The following CSMD1 variants were observed in gnomAD, a reference collection of about 807,000 sequenced individuals.
The protein encoded by CSMD1 is CUB and sushi domain-containing protein 1.
CSMD1 carries 213 observed loss-of-function variants against 417.5 expected under a neutral mutation model. The observed-to-expected ratio is 0.51, with a 90% confidence interval of 0.46 to 0.57. The LOEUF (loss-of-function observed/expected upper bound fraction) is 0.57. CSMD1 is among the 20% of genes least tolerant of loss of function. The pLI is 0.00. For synonymous variants in CSMD1, 2,862 were observed against 1,736.8 expected (o/e 1.65, Z -16.11); for missense variants, 6,923 against 4,529.7 (o/e 1.53, Z -15.17).
At position 4,376,509 on chromosome 8, in the gene CSMD1, T is replaced by G. The variant is rs560121993; in HGVS notation, c.415+43444A>C. 8.8e-4 allele frequency among the ~76,000 whole-genome samples: 134 copies of G among 152,358 alleles called. 1 individual carries two copies. The highest frequency in any genetic ancestry group is 3.1e-3 in the South Asian group (15 of 4,832). ...ATTTTTATATGAATAGACCATTATT[T>G]TCCCCACAGTATATTTAATCAATTT... On this transcript the variant is annotated intron_variant, in intron 3 of 69. Coordinates refer to ENST00000635120, the MANE Select transcript of CSMD1 (RefSeq NM_033225.6).
chr8:4,483,222 C>A (rs957215015), intron 2 of CSMD1, among the ~76,000 whole-genome samples: 16 of 152,168 alleles, frequency 1.1e-4, no homozygotes, highest in Non-Finnish European at 5.9e-5. Context: ...GTGAGAAGTG[C>A]CTTTCACCTT....
At chr8:3,722,072 G>C (rs1019547276) in intron 6 of CSMD1, among the ~76,000 whole-genome samples, 6 of 152,190 alleles carry the variant, frequency 3.9e-5, no homozygotes, top group Non-Finnish European at 5.9e-5. Flanking sequence ...GCCGGGCAAA[G>C]TGGCTCATGC....
intron 7 of CSMD1, among the ~76,000 whole-genome samples, chr8:3,623,479 T>A (rs920024364): frequency 6.6e-6 from 1 of 152,164 alleles, no homozygotes; most frequent in Non-Finnish European, 1.5e-5. Flanking sequence ...GGAGATAAGA[T>A]CTATATGAGT....
chr8:3,128,803 G>GT (rs755443473), intron 41 of CSMD1: 3,975 of 356,776 alleles, frequency 0.011, no homozygotes, highest in South Asian at 0.016. Flanking sequence ...TCGAGTTTTT[G>GT]TTTTTTTTTT....
At chr8:3,672,672 T>C (rs1202645353) in intron 7 of CSMD1, among the ~76,000 whole-genome samples, 1 of 152,186 alleles carries the variant, frequency 6.6e-6, no homozygotes, top group African/African-American at 2.4e-5. Flanking sequence ...TCACTGGGCA[T>C]CTGTTCCCAA....
chr8:3,819,519 G>C (rs772648509), intron 5 of CSMD1, among the ~76,000 whole-genome samples: 19 of 142,790 alleles, frequency 1.3e-4, no homozygotes, highest in Non-Finnish European at 2.6e-4. Flanking sequence ...GAGCTCAAAA[G>C]CGAAGGTGAT....
At chr8:3,612,470 A>G (rs1160861923) in intron 8 of CSMD1, among the ~76,000 whole-genome samples, 10 of 152,144 alleles carry the variant, frequency 6.6e-5, no homozygotes, top group Non-Finnish European at 1.2e-4. Context: ...ACTGACATTT[A>G]TGGAACACTT....
At chr8:4,850,182 A>C (rs940466968) in intron 1 of CSMD1, among the ~76,000 whole-genome samples, 1 of 152,136 alleles carries the variant, frequency 6.6e-6, no homozygotes, top group Non-Finnish European at 1.5e-5. Flanking sequence ...ATGTATATGA[A>C]GATCATTAAC....
intron 1 of CSMD1, among the ~76,000 whole-genome samples, chr8:4,841,281 T>G (rs544484228): frequency 7.5e-4 from 115 of 152,372 alleles, no homozygotes; most frequent in Non-Finnish European, 1.2e-3. Flanking sequence ...GGTTATTGAT[T>G]AGCCTTAAGA....
chr8:4,357,489 A>G (rs1054792957), intron 3 of CSMD1, among the ~76,000 whole-genome samples: 3 of 152,186 alleles, frequency 2.0e-5, no homozygotes, highest in African/African-American at 7.2e-5. Flanking sequence ...CCAACATGGC[A>G]TTACTTTATC....
At chr8:3,828,750 A>C (rs960326157) in intron 5 of CSMD1, among the ~76,000 whole-genome samples, 3 of 152,072 alleles carry the variant, frequency 2.0e-5, no homozygotes, top group African/African-American at 7.2e-5. Flanking sequence ...GACCTTACTA[A>C]ACATCAGTGA....
At chr8:3,952,420 T>C (rs1286548546) in intron 5 of CSMD1, among the ~76,000 whole-genome samples, 2 of 152,246 alleles carry the variant, frequency 1.3e-5, no homozygotes, top group Non-Finnish European at 1.5e-5. Flanking sequence ...TATGTTGATA[T>C]GTAAAGGGTA....
intron 26 of CSMD1, among the ~76,000 whole-genome samples, chr8:3,265,844 C>G (rs546636322): frequency 3.9e-5 from 6 of 151,976 alleles, no homozygotes; most frequent in African/African-American, 1.5e-4. Flanking sequence ...CTGGGTGATG[C>G]AGTAGCTCAG....
At chr8:4,076,699 G>A (rs1178658028) in intron 3 of CSMD1, among the ~76,000 whole-genome samples, 1 of 152,120 alleles carries the variant, frequency 6.6e-6, no homozygotes, top group Non-Finnish European at 1.5e-5. Context: ...GCCATATCTT[G>A]TCTTTCACTG....
chr8:3,279,429 A>C (rs912589571), intron 26 of CSMD1, among the ~76,000 whole-genome samples: 2 of 152,216 alleles, frequency 1.3e-5, no homozygotes, highest in Admixed American at 1.3e-4. Flanking sequence ...CTTTTATTTT[A>C]CAGCCCTGAT....
chr8:3,067,321 C>T (rs76891300), intron 49 of CSMD1, among the ~76,000 whole-genome samples: 2 of 152,198 alleles, frequency 1.3e-5, no homozygotes, highest in East Asian at 3.9e-4. Context: ...CTCAAATGCC[C>T]ATCTTTTGAC....
intron 1 of CSMD1, among the ~76,000 whole-genome samples, chr8:4,791,124 G>C (rs942994431): frequency 6.6e-6 from 1 of 152,126 alleles, no homozygotes; most frequent in Non-Finnish European, 1.5e-5. Context: ...GAGACGGGGA[G>C]GGAGAAACTT....
chr8:4,852,359 G>A (rs1223692652), intron 1 of CSMD1, among the ~76,000 whole-genome samples: 1 of 152,066 alleles, frequency 6.6e-6, no homozygotes, highest in Non-Finnish European at 1.5e-5. Context: ...GCAACATCTG[G>A]TTGTTTAAAA....
chr8:3,891,941 T>C (rs1806999378), intron 5 of CSMD1, among the ~76,000 whole-genome samples: 1 of 151,974 alleles, frequency 6.6e-6, no homozygotes, highest in Non-Finnish European at 1.5e-5. Flanking sequence ...AAGAGCAAAA[T>C]GAACATTTTC....
Sources: allele counts gnomAD v4.1 joint callset (sites outside exome capture counted in the v4.1 genomes callset), GRCh38; gene constraint gnomAD v4.1.1; transcripts MANE v1.5; gene names NCBI Gene and HGNC (gene_info 2026-07-23, HGNC 2026-07-21).